The following SMIM41 variants were observed in gnomAD, a reference collection of about 807,000 sequenced individuals.
SMIM41 encodes the protein small integral membrane protein 41.
At position 52,081,848 on chromosome 12, in the gene SMIM41, G is replaced by A. The variant is rs1371593812; in HGVS notation, c.*120+1667G>A. On this transcript the variant is annotated intron_variant, in intron 1 of 2. Transcript: ENST00000546390. The surrounding 1 kb of genome is among the most constrained non-coding windows in gnomAD (Gnocchi z 4.1). Reference sequence around the variant, plus strand: ...ATGACAGAGCTGGAAGCAGACCCTGGGCCCTGATTCCAAGTTCAGGCCCCC... The same window carrying A: ...ATGACAGAGCTGGAAGCAGACCCTGAGCCCTGATTCCAAGTTCAGGCCCCC... Among the ~76,000 whole-genome samples, 1 of 152,162 alleles carries A rather than the reference G, an allele frequency of 6.6e-6. No homozygotes were observed. The highest frequency in any genetic ancestry group is 1.5e-5 in the Non-Finnish European group (1 of 68,034).
At chr12:52,103,931 G>C (rs1277090035) in intron 2 of SMIM41, among the ~76,000 whole-genome samples, 1 of 152,182 alleles carries the variant, frequency 6.6e-6, no homozygotes, top group Non-Finnish European at 1.5e-5. Flanking sequence ...AACTGTTCTG[G>C]AGATGATGGC....
At chr12:52,084,866 G>A (rs957106629) in intron 2 of SMIM41, 2 of 152,418 alleles carry the variant, frequency 1.3e-5, no homozygotes, top group African/African-American at 4.8e-5. Context: ...TGGAAGTAGA[G>A]AGGAGGCAAG....
At chr12:52,083,044 C>G (rs1187859355) in intron 1 of SMIM41, among the ~76,000 whole-genome samples, 1 of 152,202 alleles carries the variant, frequency 6.6e-6, no homozygotes, top group African/African-American at 2.4e-5. Flanking sequence ...CACTGGACCT[C>G]TGGAAGTGCT....
chr12:52,107,556 A>T lies in SMIM41; in HGVS notation c.*373A>T, dbSNP rs547028020. On this transcript the variant is annotated 3_prime_UTR_variant, in exon 3 of 3. Transcript: ENST00000546390. ...CTTGCCTGACATCGGTTTCACCTCC[A>T]CCACGGTCCCCCAGATGACTGTGGA... The T allele has an allele frequency of 8.3e-5, 76 of 915,858 alleles. No individual in the cohort carries two copies. The South Asian group carries it at 9.1e-4, about 11-fold the overall frequency. The allele number at this position is 915,858 out of a possible 1,614,324, so 56.7% of individuals were successfully genotyped here. A position where few individuals can be genotyped will look rare whatever the true frequency, so the allele number is the denominator to read the frequency against.
At chr12:52,083,154 G>A (rs761116831) in intron 1 of SMIM41, among the ~76,000 whole-genome samples, 2 of 152,182 alleles carry the variant, frequency 1.3e-5, no homozygotes, top group Non-Finnish European at 2.9e-5. Context: ...GATGCCTGGT[G>A]CAGCAGGTGC....
At chr12:52,095,072 A>G (rs565184625) in intron 2 of SMIM41, among the ~76,000 whole-genome samples, 1 of 151,606 alleles carries the variant, frequency 6.6e-6, no homozygotes, top group East Asian at 1.9e-4. Flanking sequence ...CAGCCTCTGG[A>G]GTATCTGGGA....
intron 2 of SMIM41, among the ~76,000 whole-genome samples, chr12:52,103,262 G>C (rs1032626857): frequency 2.0e-5 from 3 of 151,362 alleles, no homozygotes; most frequent in Non-Finnish European, 4.4e-5. Context: ...GGGAGGTGGA[G>C]GTTGCAGTGA....
intron 1 of SMIM41, chr12:52,082,199 G>A (rs909612140): frequency 1.3e-5 from 2 of 152,390 alleles, no homozygotes; most frequent in African/African-American, 4.8e-5. Flanking sequence ...AGCGGTCAGA[G>A]CCGAGGGATC....
chr12:52,107,631 A>G lies in SMIM41; in HGVS notation c.*448A>G. 1.7e-6 allele frequency: 1 copy of G among 588,488 alleles called. No homozygotes were observed. Among genetic ancestry groups the G allele is most frequent in the Non-Finnish European group, 3.2e-6 (1 of 308,094 alleles). The allele number at this position is 588,488 out of a possible 1,614,324, so 36.5% of individuals were successfully genotyped here. A position where few individuals can be genotyped will look rare whatever the true frequency, so the allele number is the denominator to read the frequency against. ...CTCCTATGCAGGCTGCCTGACTCAG[A>G]AGTCTCTCTTTGCCATTTTTGGAGG... On this transcript the variant is annotated 3_prime_UTR_variant, in exon 3 of 3. Coordinates refer to ENST00000546390, the MANE Select transcript of SMIM41 (RefSeq NM_001369216.1).
Position 52,080,073 on chromosome 12 carries a change from C to G in SMIM41, c.*12C>G. 2.8e-6 allele frequency: 1 copy of G among 358,936 alleles called. No homozygotes were observed. Among genetic ancestry groups the G allele is most frequent in the Non-Finnish European group, 5.0e-6 (1 of 200,164 alleles). 22.2% of individuals were successfully genotyped at this position (358,936 alleles called of 1,614,324 possible). A position where few individuals can be genotyped will look rare whatever the true frequency, so the allele number is the denominator to read the frequency against. ...ACGACGACTCCTAGGCGCCCGGCTG[C>G]GCTCGGTGGTCGCGGCCTCCAGGCA... On this transcript the variant is annotated 3_prime_UTR_variant, in exon 1 of 3. Transcript: ENST00000546390.
chr12:52,089,811 T>A (rs1939967142), intron 2 of SMIM41, among the ~76,000 whole-genome samples: 1 of 152,190 alleles, frequency 6.6e-6, no homozygotes, highest in African/African-American at 2.4e-5. Context: ...CCAGTCCTTT[T>A]GGATTTGGGG....
At chr12:52,104,048 ATATATT>A (rs1940276667) in intron 2 of SMIM41, 1 of 151,872 alleles carries the variant, frequency 6.6e-6, no homozygotes, top group Non-Finnish European at 1.5e-5. Context: ...ATGAAATAAT[ATATATT>A]TATAATTTTT....
At chr12:52,100,084 T>TC (rs34419454) in intron 2 of SMIM41, among the ~76,000 whole-genome samples, 17 of 150,974 alleles carry the variant, frequency 1.1e-4, no homozygotes, top group South Asian at 2.1e-4. Context: ...TATGATCCTC[T>TC]CCCCCCCCGG....
At chr12:52,105,427 G>A (rs1263886685) in intron 2 of SMIM41, among the ~76,000 whole-genome samples, 2 of 152,190 alleles carry the variant, frequency 1.3e-5, no homozygotes, top group African/African-American at 2.4e-5. Flanking sequence ...CTCCTCAGAT[G>A]TACCTGTGGT....
intron 2 of SMIM41, among the ~76,000 whole-genome samples, chr12:52,091,845 G>C (rs1336102793): frequency 6.6e-6 from 1 of 152,342 alleles, no homozygotes; most frequent in East Asian, 1.9e-4. Flanking sequence ...AAGATTTAGG[G>C]AAGTGTTAAC....
At position 52,081,448 on chromosome 12, in the gene SMIM41, C is replaced by T. The variant is rs1232789662; in HGVS notation, c.*120+1267C>T. ...CTGCCCAGCAGCCCAGGATTTGGCA[C>T]TAATCCTGGGCAGCGGCACCACACT... On this transcript the variant is annotated intron_variant, in intron 1 of 2. Coordinates refer to ENST00000546390, the MANE Select transcript of SMIM41 (RefSeq NM_001369216.1). This position sits in a 1 kb window ranked among gnomAD's most constrained non-coding sequence, Gnocchi z 4.1. Among the ~76,000 whole-genome samples the T allele has an allele frequency of 1.3e-5, 2 of 152,112 alleles. No homozygotes were observed. The highest frequency in any genetic ancestry group is 2.9e-5 in the Non-Finnish European group (2 of 67,996).
chr12:52,105,626 G>A (rs1374243539), intron 2 of SMIM41, among the ~76,000 whole-genome samples: 3 of 152,028 alleles, frequency 2.0e-5, no homozygotes, highest in Non-Finnish European at 4.4e-5. Context: ...AGTGGCGGGC[G>A]CCTGTAATCT....
chr12:52,095,705 C>A (rs140869120), intron 2 of SMIM41, among the ~76,000 whole-genome samples: 1 of 151,978 alleles, frequency 6.6e-6, no homozygotes, highest in Non-Finnish European at 1.5e-5. Context: ...ACATTTTCTG[C>A]GGTATTGGGA....
chr12:52,080,202 A>T (rs1185492972), intron 1 of SMIM41, 21 bp downstream of exon 1: 1 of 308,120 alleles, frequency 3.2e-6, no homozygotes, highest in East Asian at 5.2e-5. Context: ...GGGTAGCAGG[A>T]GTGTGGGCGC....
Sources: gnomAD v4.1 joint callset for allele counts (sites outside exome capture counted in the v4.1 genomes callset) on GRCh38, gnomAD v4.1.1 for gene constraint, Gnocchi (gnomAD v3.1) non-coding constraint, MANE v1.5 for transcripts, NCBI Gene and HGNC (gene_info 2026-07-23, HGNC 2026-07-21) for gene names.